The following UNC5A variants were observed in gnomAD, a reference collection of about 807,000 sequenced individuals.
The protein encoded by UNC5A is unc-5 netrin receptor A.
Under a neutral mutation model 87.4 loss-of-function variants are expected in UNC5A, and 20 were observed. The ratio of observed to expected loss-of-function variants is 0.23; its 90% confidence interval spans 0.16 to 0.33. The LOEUF (loss-of-function observed/expected upper bound fraction) is 0.33. Ranked by LOEUF, UNC5A falls within the 10% of genes least tolerant of loss-of-function variation. UNC5A has a pLI of 1.00. For missense variants in UNC5A, 844 were observed against 1,133.4 expected, an observed-to-expected ratio of 0.74 and a Z score of 3.67; for synonymous variants, 438 against 482.3, an observed-to-expected ratio of 0.91 and a Z score of 1.20.
chr5:176,833,170 G>C (rs1327820895), intron 1 of UNC5A, among the ~76,000 whole-genome samples: 1 of 152,172 alleles, frequency 6.6e-6, no homozygotes, highest in Non-Finnish European at 1.5e-5. Context: ...TTTACTTTAG[G>C]TTCAAGGTGG....
intron 1 of UNC5A, among the ~76,000 whole-genome samples, chr5:176,849,774 TG>T (rs1375750947): frequency 9.9e-5 from 15 of 152,112 alleles, no homozygotes; most frequent in Admixed American, 3.3e-4. Context: ...GAGTGGGGGC[TG>T]GGGACTCAAC....
Position 176,865,844 on chromosome 5 carries a change from C to T in UNC5A, c.293-2286C>T. Reference sequence around the variant, plus strand: ...CCCTCTCGTTTGCCCTCATTCCTCACCCAGAAGGCCAGGGGGCAGGGACCA... The same window carrying T: ...CCCTCTCGTTTGCCCTCATTCCTCATCCAGAAGGCCAGGGGGCAGGGACCA... On this transcript the variant is annotated intron_variant, in intron 2 of 14. Coordinates refer to ENST00000329542, the MANE Select transcript of UNC5A (RefSeq NM_133369.3). The surrounding 1 kb of genome is among the most constrained non-coding windows in gnomAD (Gnocchi z 5.3). The T allele has an allele frequency of 2.8e-6, 1 of 355,920 alleles. No homozygotes were observed. The highest frequency in any genetic ancestry group is 2.1e-5 in the South Asian group (1 of 48,166). 22.0% of individuals were successfully genotyped at this position (355,920 alleles called of 1,614,324 possible).
intron 1 of UNC5A, among the ~76,000 whole-genome samples, chr5:176,826,539 T>G (rs1170871604): frequency 6.6e-6 from 1 of 152,244 alleles, no homozygotes; most frequent in Non-Finnish European, 1.5e-5. Context: ...AAGGTGAAAT[T>G]CACGTAACAT....
Position 176,860,719 on chromosome 5 carries a change from G to T in UNC5A, c.71-1905G>T, listed in dbSNP as rs943743422. ...ACAGACCCCAGCAGAGGTGGTTCAG[G>T]GTGGGGTGGGTCTGGGTCTGATGAC... On this transcript the variant is annotated intron_variant, in intron 1 of 14. Transcript: ENST00000329542. Among the ~76,000 whole-genome samples the T allele has an allele frequency of 2.5e-4, 38 of 152,236 alleles. 1 individual carries two copies. The highest frequency in any genetic ancestry group is 8.4e-4 in the African/African-American group (35 of 41,456).
Position 176,830,439 on chromosome 5 carries a change from A to ATG in UNC5A, c.70+19633_70+19634dup, listed in dbSNP as rs5873556. ...CGTGTGTGTGCTGCTGTGTGCTGGC[A>ATG]TGTGTGTGTGTGTGTTGTGCGTGTG... On this transcript the variant is annotated intron_variant, in intron 1 of 14. Transcript: ENST00000329542. 9.1e-3 allele frequency among the ~76,000 whole-genome samples: 1,267 copies of ATG among 139,380 alleles called. 24 individuals are homozygous for ATG. The highest frequency in any genetic ancestry group is 0.036 in the African/African-American group (1,187 of 33,386). The allele number at this position is 139,380 out of a possible 152,430, so 91.4% of individuals were successfully genotyped here.
At chr5:176,867,911 A>C (rs192065554) in intron 2 of UNC5A, among the ~76,000 whole-genome samples, 1,678 of 152,116 alleles carry the variant, frequency 0.011, 29 homozygotes, top group African/African-American at 0.036. Context: ...CGGGGCCTTC[A>C]GGAGATAGAA....
Position 176,838,094 on chromosome 5 carries a change from C to T in UNC5A, c.71-24530C>T, listed in dbSNP as rs1184125039. Among the ~76,000 whole-genome samples, 1 of 152,306 alleles carries T rather than the reference C, an allele frequency of 6.6e-6. No homozygotes were observed. Reference sequence around the variant, plus strand: ...TGGGGACTCCCACCCCATAGGCTTCCGTTGAAATTCCCGGAACTCGTTCCA... The same window carrying T: ...TGGGGACTCCCACCCCATAGGCTTCTGTTGAAATTCCCGGAACTCGTTCCA... On this transcript the variant is annotated intron_variant, in intron 1 of 14. Coordinates refer to ENST00000329542, the MANE Select transcript of UNC5A (RefSeq NM_133369.3). This position sits in a 1 kb window ranked among gnomAD's most constrained non-coding sequence, Gnocchi z 4.2.
chr5:176,859,223 GTCCTTGCTAGAGGGCATAGCTGCTAGA>G (rs1561659490), intron 1 of UNC5A, among the ~76,000 whole-genome samples: 12 of 44,148 alleles, frequency 2.7e-4, no homozygotes, highest in African/African-American at 1.2e-3. Context: ...CTGCTAGAAT[GTCCTTGCTAGAGGGCATAGCTGCTAGA>G]ATGCCCTTGC....
At position 176,874,718 on chromosome 5, in the gene UNC5A, A is replaced by C; in HGVS notation, c.1378+152A>C. Reference sequence around the variant, plus strand: ...TGGGGAGAACCCAGTCTTGGCTGGCACCGAGGCCGTGGCCAGAGCTGTCTT... The same window carrying C: ...TGGGGAGAACCCAGTCTTGGCTGGCCCCGAGGCCGTGGCCAGAGCTGTCTT... On this transcript the variant is annotated intron_variant, in intron 8 of 14. Coordinates refer to ENST00000329542, the MANE Select transcript of UNC5A (RefSeq NM_133369.3). The surrounding 1 kb of genome is among the most constrained non-coding windows in gnomAD (Gnocchi z 7.6). The C allele has an allele frequency of 1.1e-6, 1 of 892,962 alleles. No homozygotes were observed. The highest frequency in any genetic ancestry group is 3.1e-5 in the East Asian group (1 of 32,376). 55.3% of individuals were successfully genotyped at this position (892,962 alleles called of 1,614,324 possible).
At chr5:176,821,457 G>T (rs1756726494) in intron 1 of UNC5A, among the ~76,000 whole-genome samples, 1 of 152,138 alleles carries the variant, frequency 6.6e-6, no homozygotes, top group African/African-American at 2.4e-5. Context: ...TCCACTGGAG[G>T]CCCGTCTTTG....
chr5:176,848,254 C>T lies in UNC5A; in HGVS notation c.71-14370C>T, dbSNP rs1352037507. 1.3e-5 allele frequency among the ~76,000 whole-genome samples: 2 copies of T among 152,076 alleles called. No individual in the cohort carries two copies. The highest frequency in any genetic ancestry group is 1.9e-4 in the East Asian group (1 of 5,174). On this transcript the variant is annotated intron_variant, in intron 1 of 14. Transcript: ENST00000329542. This position sits in a 1 kb window ranked among gnomAD's most constrained non-coding sequence, Gnocchi z 5.8. Reference sequence around the variant, plus strand: ...TTAGGGACCCTTGGGGAGGGGGTACCCCAGCTTCTCTCTCCCCTGCTACCC... The same window carrying T: ...TTAGGGACCCTTGGGGAGGGGGTACTCCAGCTTCTCTCTCCCCTGCTACCC...
At position 176,879,814 on chromosome 5, in the gene UNC5A, G is replaced by C; in HGVS notation, c.2457G>C (p.Gln819His). ...ARHFPNGNLS[Q>H]LAAAVAGLGQ... ...ACTTCCCCAACGGCAACCTCAGCCA[G>C]CTGGCTGCAGCAGTGGCTGGACTGG... Residue 819 changes from glutamine (Q) to histidine (H), a missense_variant, in exon 15 of 15, where the codon CAG (glutamine) becomes CAC (histidine). Physicochemically the swap from Gln to His is conservative, Grantham distance 24. Transcript: ENST00000329542. The C allele has an allele frequency of 1.2e-6, 2 of 1,613,026 alleles. No homozygotes were observed. The highest frequency in any genetic ancestry group is 1.1e-5 in the South Asian group (1 of 91,076).
At chr5:176,842,183 C>T (rs549944276) in intron 1 of UNC5A, among the ~76,000 whole-genome samples, 4 of 152,280 alleles carry the variant, frequency 2.6e-5, no homozygotes, top group Admixed American at 6.5e-5. Flanking sequence ...GATGATAGAG[C>T]GAGACTCCGT....
rs1055886953 is a variant in UNC5A at position 176,839,425 on chromosome 5, C to A, written c.71-23199C>A. Among the ~76,000 whole-genome samples, 8 of 152,226 alleles carry A rather than the reference C, an allele frequency of 5.3e-5. No individual in the cohort carries two copies. In the East Asian group the frequency reaches 9.6e-4, roughly 18 times the overall value. On this transcript the variant is annotated intron_variant, in intron 1 of 14. Transcript: ENST00000329542. Reference sequence around the variant, plus strand: ...GCCTCCCAGGGCCCATGTGCAGGAGCCTGGTGATGGATGGCTGCTGTCACG... The same window carrying A: ...GCCTCCCAGGGCCCATGTGCAGGAGACTGGTGATGGATGGCTGCTGTCACG...
At chr5:176,876,167 G>A (rs750312991) in intron 8 of UNC5A, among the ~76,000 whole-genome samples, 29 of 152,242 alleles carry the variant, frequency 1.9e-4, no homozygotes, top group Non-Finnish European at 4.1e-4. Context: ...TGATGAATGA[G>A]GATGTAAGTG....
intron 2 of UNC5A, chr5:176,864,997 C>G: frequency 2.8e-6 from 1 of 358,810 alleles, no homozygotes; most frequent in Non-Finnish European, 5.5e-6. Flanking sequence ...TCCCTCCCCT[C>G]CCTGGGCTCA....
At chr5:176,815,880 A>G (rs1339666086) in intron 1 of UNC5A, among the ~76,000 whole-genome samples, 2 of 152,196 alleles carry the variant, frequency 1.3e-5, no homozygotes, top group African/African-American at 4.8e-5. Flanking sequence ...ATTGCTTCCA[A>G]TGCACAAGGG....
Position 176,869,742 on chromosome 5 carries a change from C to A in UNC5A, c.722-628C>A. On this transcript the variant is annotated intron_variant, in intron 5 of 14. Transcript: ENST00000329542. This position sits in a 1 kb window ranked among gnomAD's most constrained non-coding sequence, Gnocchi z 9.1. ...CAACGGGGGCGCTTTCTGTGAGGGG[C>A]AGAATGTCCAGAAAACAGCCTGCGC... The A allele has an allele frequency of 3.1e-6, 2 of 636,206 alleles. No individual in the cohort carries two copies. The highest frequency in any genetic ancestry group is 5.8e-6 in the Non-Finnish European group (2 of 346,976). 39.4% of individuals were successfully genotyped at this position (636,206 alleles called of 1,614,324 possible).
rs1015292638 is a variant in UNC5A at position 176,865,769 on chromosome 5, A to G, written c.293-2361A>G. 9.1e-6 allele frequency: 4 copies of G among 438,198 alleles called. No individual in the cohort carries two copies. Among genetic ancestry groups the G allele is most frequent in the Non-Finnish European group, 1.4e-5 (3 of 216,552 alleles). 27.1% of individuals were successfully genotyped at this position (438,198 alleles called of 1,614,324 possible). On this transcript the variant is annotated intron_variant, in intron 2 of 14. Transcript: ENST00000329542. This position sits in a 1 kb window ranked among gnomAD's most constrained non-coding sequence, Gnocchi z 5.3. ...ACCCAGCTCTGCAGCCCACTCATTC[A>G]TGTGTGGGGCTGGAGGTGGCCGGAT...
Sources: gnomAD v4.1 joint callset for allele counts (sites outside exome capture counted in the v4.1 genomes callset) on GRCh38, gnomAD v4.1.1 for gene constraint, Gnocchi (gnomAD v3.1) non-coding constraint, MANE v1.5 for transcripts, NCBI Gene and HGNC (gene_info 2026-07-23, HGNC 2026-07-21) for gene names.